RBFOX3: variants seen among roughly 807,000 people sequenced by gnomAD.
The protein encoded by RBFOX3 is RNA binding protein fox-1 homolog 3.
RBFOX3 carries 17 observed loss-of-function variants against 48.7 expected under a neutral mutation model. The observed-to-expected ratio is 0.35, with a 90% CI of 0.24 to 0.52. The LOEUF is 0.52. RBFOX3 is among the 20% of genes least tolerant of loss of function. The probability of loss-of-function intolerance (pLI) is 0.94; values close to 1 mark genes in which losing one functional copy is unlikely to be tolerated. For missense variants in RBFOX3, 382 were observed against 497.5 expected (o/e 0.77, Z 2.21); for synonymous variants, 212 against 209.5 (o/e 1.01, Z -0.10).
chr17:79,291,767 C>T (rs957023024), intron 3 of RBFOX3, among the ~76,000 whole-genome samples: 1 of 152,210 alleles, frequency 6.6e-6, no homozygotes, highest in Non-Finnish European at 1.5e-5. Flanking sequence ...GCCCCTCTCC[C>T]CTGGCAACTC....
At chr17:79,378,129 A>AG (rs1298574390) in intron 2 of RBFOX3, among the ~76,000 whole-genome samples, 12 of 151,870 alleles carry the variant, frequency 7.9e-5, no homozygotes, top group South Asian at 2.1e-4. Flanking sequence ...TCCATCTCAT[A>AG]GGGGGGGCGC....
intron 2 of RBFOX3, among the ~76,000 whole-genome samples, chr17:79,446,598 T>G (rs2072347306): frequency 6.6e-6 from 1 of 151,924 alleles, no homozygotes; most frequent in Non-Finnish European, 1.5e-5. Flanking sequence ...CACCCAGGAG[T>G]GACTGCCCAT....
At chr17:79,245,106 C>T (rs369458804) in intron 3 of RBFOX3, among the ~76,000 whole-genome samples, 17 of 150,046 alleles carry the variant, frequency 1.1e-4, no homozygotes, top group African/African-American at 3.7e-4. Flanking sequence ...GACAGAGTCT[C>T]ACTCTGTTGC....
At chr17:79,597,960 C>G (rs2093608128) in intron 1 of RBFOX3, 1 of 152,336 alleles carries the variant, frequency 6.6e-6, no homozygotes, top group Non-Finnish European at 1.5e-5. Context: ...GGCCCTGGGA[C>G]TTCCCATGGA....
intron 12 of RBFOX3, 90 bp downstream of exon 12, chr17:79,096,563 G>A (rs956002691): frequency 3.5e-6 from 4 of 1,143,298 alleles, no homozygotes; most frequent in Admixed American, 2.1e-5. Context: ...GGGATGGGAG[G>A]AGCGGGCAGT....
At chr17:79,547,255 T>G (rs1367733141) in intron 1 of RBFOX3, among the ~76,000 whole-genome samples, 1 of 151,882 alleles carries the variant, frequency 6.6e-6, no homozygotes, top group African/African-American at 2.4e-5. Flanking sequence ...GAGACCAGCC[T>G]GACCAACACG....
chr17:79,648,896 C>T, the RBFOX3 span, among the ~76,000 whole-genome samples: 2 of 152,142 alleles, frequency 1.3e-5, no homozygotes, highest in Non-Finnish European at 2.9e-5. Context: ...CCCACCACAG[C>T]CACCTGTGGT....
In RBFOX3 at chr17:79,543,278, G is replaced by A. The variant is rs146387710; in HGVS notation, c.-319-60680C>T. Among the ~76,000 whole-genome samples, 806 of 152,252 alleles carry A rather than the reference G, an allele frequency of 5.3e-3. 10 individuals are homozygous for A. Among genetic ancestry groups the A allele is most frequent in the African/African-American group, 0.019 (783 of 41,542 alleles). ...CAGGAGCAAAGGACGTTACAGGTGC[G>A]AGTTTGCTACATCTTCAGAGCTCTG... On this transcript the variant is annotated intron_variant, in intron 1 of 14. Transcript: ENST00000693108.
intron 2 of RBFOX3, among the ~76,000 whole-genome samples, chr17:79,398,813 C>T (rs1024325621): frequency 3.3e-5 from 5 of 152,198 alleles, no homozygotes; most frequent in Admixed American, 6.5e-5. Flanking sequence ...GGACTCACTT[C>T]GCCCACCCAA....
chr17:79,232,856 C>A (rs1011750625), intron 4 of RBFOX3, among the ~76,000 whole-genome samples: 2 of 152,208 alleles, frequency 1.3e-5, no homozygotes, highest in Non-Finnish European at 2.9e-5. Context: ...GTTATGAAGA[C>A]TGACAACACC....
At chr17:79,141,615 C>T (rs957904006) in intron 4 of RBFOX3, among the ~76,000 whole-genome samples, 1 of 152,158 alleles carries the variant, frequency 6.6e-6, no homozygotes, top group African/African-American at 2.4e-5. Flanking sequence ...AGCCACAGCC[C>T]CTTGGCAATG....
rs1421014770 is a variant in RBFOX3 at position 79,279,164 on chromosome 17, A to T, written c.-74+28560T>A. Among the ~76,000 whole-genome samples the T allele has an allele frequency of 2.0e-5, 3 of 152,198 alleles. No individual in the cohort carries two copies. The East Asian group carries it at 5.8e-4, about 29-fold the overall frequency. The stretch of plus-strand genomic sequence containing the variant: ...GCAGGGGAGGGGTGGCAACAGGGTA[A>T]GGTGGGCACGGGAGGTGTTCACGGG... On this transcript the variant is annotated intron_variant, in intron 3 of 14. Coordinates refer to ENST00000693108, the MANE Select transcript of RBFOX3 (RefSeq NM_001350451.2).
chr17:79,174,354 TGCACACAGACACATGC>T (rs1479160873), intron 4 of RBFOX3, among the ~76,000 whole-genome samples: 2 of 142,402 alleles, frequency 1.4e-5, no homozygotes, highest in African/African-American at 5.2e-5. Flanking sequence ...CAGCCACACG[TGCACACAGACACATGC>T]GCACACACAC....
At chr17:79,380,682 G>A (rs983108805) in intron 2 of RBFOX3, among the ~76,000 whole-genome samples, 8 of 152,192 alleles carry the variant, frequency 5.3e-5, no homozygotes, top group Non-Finnish European at 1.0e-4. Context: ...TGAGAACCAA[G>A]CTGAGCATTT....
chr17:79,119,219 G>T (rs1370471842), intron 4 of RBFOX3, among the ~76,000 whole-genome samples: 1 of 152,176 alleles, frequency 6.6e-6, no homozygotes, highest in African/African-American at 2.4e-5. Flanking sequence ...CCGGCAGTAG[G>T]TGCCAGATCT....
At chr17:79,293,493 C>T (rs9915305) in intron 3 of RBFOX3, among the ~76,000 whole-genome samples, 30,662 of 147,592 alleles carry the variant, frequency 0.21, 3,375 homozygotes, top group Middle Eastern at 0.32. Context: ...CACTCTGTCT[C>T]CCAGGCTGGA....
intron 3 of RBFOX3, among the ~76,000 whole-genome samples, chr17:79,267,269 C>T (rs1567946755): frequency 6.6e-6 from 1 of 152,174 alleles, no homozygotes; most frequent in Non-Finnish European, 1.5e-5. Context: ...TGGCGGGTCG[C>T]TGAAACTTTA....
chr17:79,605,552 A>T (rs997416796), intron 1 of RBFOX3, among the ~76,000 whole-genome samples: 2 of 152,244 alleles, frequency 1.3e-5, no homozygotes, highest in Non-Finnish European at 2.9e-5. Flanking sequence ...TCCAGTAGGG[A>T]GACGGCCAGG....
At chr17:79,300,553 C>A (rs914469657) in intron 3 of RBFOX3, among the ~76,000 whole-genome samples, 1 of 152,184 alleles carries the variant, frequency 6.6e-6, no homozygotes, top group African/African-American at 2.4e-5. Context: ...TAAGCTTAAA[C>A]GTGAACAACA....
Sources: allele counts gnomAD v4.1 joint callset (sites outside exome capture counted in the v4.1 genomes callset), GRCh38; gene constraint gnomAD v4.1.1; transcripts MANE v1.5; gene names NCBI Gene and HGNC (gene_info 2026-07-23, HGNC 2026-07-21).